The following KIRREL3 variants were observed in gnomAD, a reference collection of about 807,000 sequenced individuals.
KIRREL3 encodes the protein kirre like nephrin family adhesion molecule 3, also known as kin of IRRE-like protein 3.
In KIRREL3, 36 loss-of-function variants were observed where a neutral mutation model predicts 89.7. The ratio of observed to expected loss-of-function variants is 0.40; its 90% CI spans 0.31 to 0.53. The LOEUF (loss-of-function observed/expected upper bound fraction) is 0.53, where lower values mean the gene tolerates loss of function less well. KIRREL3 is among the 20% of genes least tolerant of loss of function. The pLI is 0.49. For synonymous variants in KIRREL3, 445 were observed against 441.4 expected (o/e 1.01, Z -0.10); for missense variants, 864 against 1,056.6 (o/e 0.82, Z 2.53).
intron 4 of KIRREL3, among the ~76,000 whole-genome samples, chr11:126,494,431 C>T (rs977132520): frequency 2.0e-5 from 3 of 152,118 alleles, no homozygotes; most frequent in Admixed American, 6.5e-5. Context: ...ATGAGGTGCA[C>T]GTTTTCCCTC....
Position 126,492,397 on chromosome 11 carries a change from T to G in KIRREL3, c.434-18931A>C, listed in dbSNP as rs936818599. Among the ~76,000 whole-genome samples the G allele has an allele frequency of 2.6e-5, 4 of 152,160 alleles. No individual in the cohort carries two copies. Among genetic ancestry groups the G allele is most frequent in the Admixed American group, 2.6e-4 (4 of 15,276 alleles). ...GGACCTGGTGGCTCTGCAAAGCCCC[T>G]CTCAGCCCCTGTCCACTCAAGTACT... On this transcript the variant is annotated intron_variant, in intron 4 of 16. Transcript: ENST00000525144. The surrounding 1 kb of genome is among the most constrained non-coding windows in gnomAD (Gnocchi z 4.8).
In KIRREL3 at chr11:126,614,764, C is replaced by A. The variant is rs182105617; in HGVS notation, c.56-51852G>T. Among the ~76,000 whole-genome samples, 1,867 of 152,168 alleles carry A rather than the reference C, an allele frequency of 0.012. 28 individuals carry two copies. The highest frequency in any genetic ancestry group is 0.042 in the African/African-American group (1,744 of 41,486). ...TCTGTGCTGGGGTTCGAGGTGTCTCCGCTGGGAGACTCTGGGGAGATCCTG... is the reference window on the plus strand; with the variant it reads ...TCTGTGCTGGGGTTCGAGGTGTCTCAGCTGGGAGACTCTGGGGAGATCCTG... On this transcript the variant is annotated intron_variant, in intron 1 of 16. Coordinates refer to ENST00000525144, the MANE Select transcript of KIRREL3 (RefSeq NM_032531.4). This position sits in a 1 kb window ranked among gnomAD's most constrained non-coding sequence, Gnocchi z 4.6.
chr11:126,524,576 G>A (rs1296607041), intron 3 of KIRREL3, among the ~76,000 whole-genome samples: 3 of 152,206 alleles, frequency 2.0e-5, no homozygotes, highest in African/African-American at 7.2e-5. Context: ...AGAAAAATGT[G>A]CTATCAATAT....
At chr11:126,586,384 C>T (rs1293094086) in intron 1 of KIRREL3, among the ~76,000 whole-genome samples, 1 of 152,096 alleles carries the variant, frequency 6.6e-6, no homozygotes, top group East Asian at 1.9e-4. Context: ...AAGTACGAAG[C>T]GGTCTTGCTG....
chr11:126,496,444 A>C lies in KIRREL3; in HGVS notation c.434-22978T>G, dbSNP rs954339866. ...AATGAAAGGGCCAGTCTTAGGGCCTAGGAATTCCCATGATAAGTTCAGTGC... is the reference window on the plus strand; with the variant it reads ...AATGAAAGGGCCAGTCTTAGGGCCTCGGAATTCCCATGATAAGTTCAGTGC... On this transcript the variant is annotated intron_variant, in intron 4 of 16. Transcript: ENST00000525144. The surrounding 1 kb of genome is among the most constrained non-coding windows in gnomAD (Gnocchi z 4.9). 6.6e-6 allele frequency among the ~76,000 whole-genome samples: 1 copy of C among 152,152 alleles called. No homozygotes were observed. The highest frequency in any genetic ancestry group is 2.1e-4 in the South Asian group (1 of 4,832).
chr11:126,902,014 C>T (rs1235488522), intron 1 of KIRREL3, among the ~76,000 whole-genome samples: 2 of 152,202 alleles, frequency 1.3e-5, no homozygotes, highest in African/African-American at 4.8e-5. Context: ...CCACTCTTCT[C>T]TTATGCAGGA....
rs1013836572 is a variant in KIRREL3 at position 126,491,291 on chromosome 11, G to A, written c.434-17825C>T. 4.6e-5 allele frequency among the ~76,000 whole-genome samples: 7 copies of A among 152,328 alleles called. No homozygotes were observed. Among genetic ancestry groups the A allele is most frequent in the South Asian group, 4.1e-4 (2 of 4,824 alleles). On this transcript the variant is annotated intron_variant, in intron 4 of 16. Transcript: ENST00000525144. The surrounding 1 kb of genome is among the most constrained non-coding windows in gnomAD (Gnocchi z 5.5). Reference sequence around the variant, plus strand: ...AGCCTGAAACTCTGCTCAGGTGTCCGAATGTAATGTGAGCCCAAGGAGGGC... The same window carrying A: ...AGCCTGAAACTCTGCTCAGGTGTCCAAATGTAATGTGAGCCCAAGGAGGGC...
rs921031306 is a variant in KIRREL3 at position 126,608,482 on chromosome 11, C to A, written c.56-45570G>T. ...GCCCTTCCTCTGTCTGTGGGAGGTG[C>A]GCGTCTGGCATTCCTCCAGTGCGTT... On this transcript the variant is annotated intron_variant, in intron 1 of 16. Transcript: ENST00000525144. This position sits in a 1 kb window ranked among gnomAD's most constrained non-coding sequence, Gnocchi z 4.9. Among the ~76,000 whole-genome samples the A allele has an allele frequency of 6.6e-6, 1 of 151,974 alleles. No homozygotes were observed. Among genetic ancestry groups the A allele is most frequent in the Non-Finnish European group, 1.5e-5 (1 of 68,030 alleles).
rs116662222 is a variant in KIRREL3, at chr11:126,747,639, C to T, written c.56-184727G>A. Among the ~76,000 whole-genome samples the T allele has an allele frequency of 1.8e-3, 268 of 152,162 alleles. 2 individuals are homozygous for T. Among genetic ancestry groups the T allele is most frequent in the African/African-American group, 6.0e-3 (249 of 41,524 alleles). On this transcript the variant is annotated intron_variant, in intron 1 of 16. Transcript: ENST00000525144. The surrounding 1 kb of genome is among the most constrained non-coding windows in gnomAD (Gnocchi z 4.7). ...ATTAGGAACCTGGTATAACTGAGAGCGCATCTCCCTTGAGTTCCTTGAGAC... is the reference window on the plus strand; with the variant it reads ...ATTAGGAACCTGGTATAACTGAGAGTGCATCTCCCTTGAGTTCCTTGAGAC...
rs1042594302 is a variant in KIRREL3, at chr11:126,723,281, A to G, written c.56-160369T>C. On this transcript the variant is annotated intron_variant, in intron 1 of 16. Transcript: ENST00000525144. The surrounding 1 kb of genome is among the most constrained non-coding windows in gnomAD (Gnocchi z 4.0). Reference sequence around the variant, plus strand: ...ACAGACACACTTTTAGTAGGGGCTAAGCTATGTTTGTGGAGTAGAATGAAA... The same window carrying G: ...ACAGACACACTTTTAGTAGGGGCTAGGCTATGTTTGTGGAGTAGAATGAAA... Among the ~76,000 whole-genome samples, 24 of 152,222 alleles carry G rather than the reference A, an allele frequency of 1.6e-4. No individual in the cohort carries two copies. Among genetic ancestry groups the G allele is most frequent in the African/African-American group, 5.1e-4 (21 of 41,450 alleles).
At position 126,569,358 on chromosome 11, in the gene KIRREL3, T is replaced by C. The variant is rs1315166560; in HGVS notation, c.56-6446A>G. ...GCGTTGACCTCAGAGGGTAAACATT[T>C]TGTTGGGGGAAACAGCAGTTGGATC... is the stretch of plus-strand genomic sequence containing the variant. On this transcript the variant is annotated intron_variant, in intron 1 of 16. Coordinates refer to ENST00000525144, the MANE Select transcript of KIRREL3 (RefSeq NM_032531.4). This position sits in a 1 kb window ranked among gnomAD's most constrained non-coding sequence, Gnocchi z 6.5. Among the ~76,000 whole-genome samples, 1 of 152,138 alleles carries C rather than the reference T, an allele frequency of 6.6e-6. No individual in the cohort carries two copies. The highest frequency in any genetic ancestry group is 1.5e-5 in the Non-Finnish European group (1 of 68,026).
rs531334499 is a variant in KIRREL3, at chr11:126,506,096, C to T, written c.433+15219G>A. Among the ~76,000 whole-genome samples, 7 of 152,258 alleles carry T rather than the reference C, an allele frequency of 4.6e-5. No individual in the cohort carries two copies. The East Asian group carries it at 1.3e-3, about 29-fold the overall frequency. Reference sequence around the variant, plus strand: ...TGCAAAAATGAATTTAGGGCCTTCACAAATCACTAAAACTTAAAATGCACC... The same window carrying T: ...TGCAAAAATGAATTTAGGGCCTTCATAAATCACTAAAACTTAAAATGCACC... On this transcript the variant is annotated intron_variant, in intron 4 of 16. Transcript: ENST00000525144.
Position 126,805,903 on chromosome 11 carries a change from T to C in KIRREL3, c.55+194552A>G, listed in dbSNP as rs1198268148. On this transcript the variant is annotated intron_variant, in intron 1 of 16. Coordinates refer to ENST00000525144, the MANE Select transcript of KIRREL3 (RefSeq NM_032531.4). The surrounding 1 kb of genome is among the most constrained non-coding windows in gnomAD (Gnocchi z 4.3). ...GTGGGCCTGGGCAGGTGCCGTGCCA[T>C]CCCCTCCACCTTCTCCGTGCGGCCT... Among the ~76,000 whole-genome samples the C allele has an allele frequency of 3.3e-5, 5 of 152,054 alleles. No individual in the cohort carries two copies. The highest frequency in any genetic ancestry group is 1.2e-4 in the African/African-American group (5 of 41,408).
rs1025344939 is a variant in KIRREL3, at chr11:126,748,092, A to G, written c.56-185180T>C. ...TGAATCTGAGGAGGTTCACCTTTTA[A>G]GGTGAAAATGGCCAGTCACTGAAAA... is the stretch of plus-strand genomic sequence containing the variant. On this transcript the variant is annotated intron_variant, in intron 1 of 16. Transcript: ENST00000525144. This position sits in a 1 kb window ranked among gnomAD's most constrained non-coding sequence, Gnocchi z 4.6. Among the ~76,000 whole-genome samples, 3 of 152,140 alleles carry G rather than the reference A, an allele frequency of 2.0e-5. No individual in the cohort carries two copies. Among genetic ancestry groups the G allele is most frequent in the Non-Finnish European group, 4.4e-5 (3 of 68,008 alleles).
intron 1 of KIRREL3, among the ~76,000 whole-genome samples, chr11:126,801,926 G>A (rs868606345): frequency 6.9e-6 from 1 of 144,818 alleles, no homozygotes; most frequent in Admixed American, 7.0e-5. Context: ...AGAGTGAGAC[G>A]CTGTCTCTTA....
intron 4 of KIRREL3, among the ~76,000 whole-genome samples, chr11:126,503,318 C>T (rs1204593214): frequency 1.3e-5 from 2 of 152,046 alleles, no homozygotes; most frequent in African/African-American, 4.8e-5. Context: ...TGGATGTGGG[C>T]ACTCGGGTAG....
At chr11:126,945,508 G>A (rs745660132) in intron 1 of KIRREL3, among the ~76,000 whole-genome samples, 1 of 152,154 alleles carries the variant, frequency 6.6e-6, no homozygotes, top group Non-Finnish European at 1.5e-5. Flanking sequence ...ATCTATGCTT[G>A]CAATTTAGCA....
chr11:126,651,331 C>A lies in KIRREL3; in HGVS notation c.56-88419G>T, dbSNP rs1462557041. Among the ~76,000 whole-genome samples, 1 of 152,202 alleles carries A rather than the reference C, an allele frequency of 6.6e-6. No homozygotes were observed. Among genetic ancestry groups the A allele is most frequent in the African/African-American group, 2.4e-5 (1 of 41,448 alleles). ...ACTGGGAATCCCTCTCCATCTTCCC[C>A]AAATCTCACAAATTCCAGTGATAAA... On this transcript the variant is annotated intron_variant, in intron 1 of 16. Transcript: ENST00000525144. The surrounding 1 kb of genome is among the most constrained non-coding windows in gnomAD (Gnocchi z 4.6).
rs1944054076 is a variant in KIRREL3, at chr11:126,844,092, C to A, written c.55+156363G>T. 6.6e-6 allele frequency among the ~76,000 whole-genome samples: 1 copy of A among 152,212 alleles called. No individual in the cohort carries two copies. Among genetic ancestry groups the A allele is most frequent in the South Asian group, 2.1e-4 (1 of 4,832 alleles). ...TTCTTGTACGAGATCCAAGAACCCT[C>A]TTTTGGAGTCTGGATGGGGACCCCT... On this transcript the variant is annotated intron_variant, in intron 1 of 16. Coordinates refer to ENST00000525144, the MANE Select transcript of KIRREL3 (RefSeq NM_032531.4). This position sits in a 1 kb window ranked among gnomAD's most constrained non-coding sequence, Gnocchi z 4.8.
Sources: gnomAD v4.1 joint callset for allele counts (sites outside exome capture counted in the v4.1 genomes callset) on GRCh38, gnomAD v4.1.1 for gene constraint, Gnocchi (gnomAD v3.1) non-coding constraint, MANE v1.5 for transcripts, NCBI Gene and HGNC (gene_info 2026-07-23, HGNC 2026-07-21) for gene names.